The following METTL15 variants were observed in gnomAD, a reference collection of about 807,000 sequenced individuals.
METTL15 encodes the protein 12S rRNA N(4)-cytidine methyltransferase METTL15.
METTL15 carries 34 observed loss-of-function variants against 38.3 expected under a neutral mutation model. That is an observed-to-expected ratio of 0.89 (90% CI 0.68 to 1.18). The LOEUF (loss-of-function observed/expected upper bound fraction) is 1.18. METTL15 is among the 50% of genes most tolerant of loss of function. The pLI, the probability that METTL15 is intolerant of heterozygous loss-of-function variation, is 0.00. For missense variants in METTL15, 438 were observed against 498.4 expected, an observed-to-expected ratio of 0.88 and a Z score of 1.15; for synonymous variants, 162 against 170.9, an observed-to-expected ratio of 0.95 and a Z score of 0.41.
chr11:28,502,931 AATT>A (rs1363571055), intron 6 of METTL15, among the ~76,000 whole-genome samples: 3 of 152,356 alleles, frequency 2.0e-5, no homozygotes, highest in Admixed American at 2.0e-4. Flanking sequence ...ATAAAATAAT[AATT>A]ACCACTATAA....
chr11:28,517,864 C>T (rs1176446527), intron 6 of METTL15, among the ~76,000 whole-genome samples: 1 of 152,234 alleles, frequency 6.6e-6, no homozygotes, highest in African/African-American at 2.4e-5. Flanking sequence ...AATGGTCCTT[C>T]TGCCTACCTT....
chr11:28,118,410 A>G (rs6484351), intron 3 of METTL15, among the ~76,000 whole-genome samples: 151,915 of 152,300 alleles, frequency 1, 75,766 homozygotes, highest in Non-Finnish European at 1. Context: ...TAAAGAAATT[A>G]TAATTATTTC....
At chr11:28,211,300 A>G in intron 4 of METTL15, 102 bp downstream of exon 4, 5 of 1,016,854 alleles carry the variant, frequency 4.9e-6, no homozygotes, top group Non-Finnish European at 6.8e-6. Context: ...GCTATATTTT[A>G]CTCCAGTAAA....
At chr11:28,229,911 A>G (rs1404921828) in intron 4 of METTL15, among the ~76,000 whole-genome samples, 1 of 151,996 alleles carries the variant, frequency 6.6e-6, no homozygotes, top group South Asian at 2.1e-4. Context: ...AAAAATAACT[A>G]ATATCATACA....
intron 6 of METTL15, among the ~76,000 whole-genome samples, chr11:28,426,119 C>G (rs1850861715): frequency 6.6e-6 from 1 of 152,106 alleles, no homozygotes; most frequent in South Asian, 2.1e-4. Flanking sequence ...TCTGACAGGC[C>G]TCCAGTGTGT....
At chr11:28,210,975 C>G in intron 3 of METTL15, 87 bp from the exon 4 acceptor site, 1 of 1,354,418 alleles carries the variant, frequency 7.4e-7, no homozygotes, top group South Asian at 1.4e-5. Context: ...GTCTGAAAAT[C>G]ATTGTGTGCT....
At chr11:28,503,963 A>G (rs1330371531) in intron 6 of METTL15, among the ~76,000 whole-genome samples, 1 of 151,934 alleles carries the variant, frequency 6.6e-6, no homozygotes, top group African/African-American at 2.4e-5. Context: ...TGGGAGTCCA[A>G]GGCAGGTGGA....
intron 6 of METTL15, among the ~76,000 whole-genome samples, chr11:28,316,504 C>T (rs1354907508): frequency 2.6e-5 from 4 of 152,158 alleles, no homozygotes; most frequent in Non-Finnish European, 5.9e-5. Flanking sequence ...TCAGATGAGA[C>T]ATTGGACTGC....
downstream of METTL15, among the ~76,000 whole-genome samples, chr11:28,337,517 G>GA (rs1849911924): frequency 1.3e-5 from 2 of 151,918 alleles, no homozygotes; most frequent in African/African-American, 2.4e-5. Flanking sequence ...CACCCAGCCA[G>GA]AAAAATATTT....
intron 6 of METTL15, among the ~76,000 whole-genome samples, chr11:28,486,612 CT>C (rs1025491031): frequency 1.3e-5 from 2 of 152,126 alleles, no homozygotes; most frequent in African/African-American, 4.8e-5. Context: ...GCCATCTGCC[CT>C]TTAGGCCATC....
intron 3 of METTL15, chr11:28,125,479 C>T (rs1590763035): frequency 1.3e-5 from 2 of 151,944 alleles, no homozygotes; most frequent in African/African-American, 4.8e-5. Context: ...ATCCAAAACT[C>T]TGAAATTTTG....
intron 4 of METTL15, among the ~76,000 whole-genome samples, chr11:28,252,155 C>T (rs1156464277): frequency 1.3e-5 from 2 of 151,994 alleles, no homozygotes; most frequent in African/African-American, 2.4e-5. Flanking sequence ...TGTCTTTGCC[C>T]TCATAGGGGA....
At chr11:28,359,434 T>A (rs1223522244) in intron 4 of METTL15, among the ~76,000 whole-genome samples, 1 of 152,214 alleles carries the variant, frequency 6.6e-6, no homozygotes. Context: ...TTTGGGTATA[T>A]ACCTAGTAAT....
At chr11:28,213,260 C>A (rs1852716782) in intron 4 of METTL15, among the ~76,000 whole-genome samples, 1 of 151,506 alleles carries the variant, frequency 6.6e-6, no homozygotes, top group Admixed American at 6.6e-5. Flanking sequence ...CAGATAAAAG[C>A]TAGAATCAAG....
chr11:28,123,027 G>A (rs188455952), intron 3 of METTL15, among the ~76,000 whole-genome samples: 12 of 152,132 alleles, frequency 7.9e-5, no homozygotes, highest in African/African-American at 2.4e-4. Context: ...AAAATCAGAC[G>A]TATGTACTGA....
At chr11:28,123,812 G>C in intron 3 of METTL15, 1 of 1,330,022 alleles carries the variant, frequency 7.5e-7, no homozygotes, top group Non-Finnish European at 1.0e-6. Flanking sequence ...TAAATTTCAA[G>C]ATAAAACTGA....
At chr11:28,209,486 T>C (rs988138464) in intron 3 of METTL15, among the ~76,000 whole-genome samples, 2 of 152,078 alleles carry the variant, frequency 1.3e-5, no homozygotes, top group African/African-American at 4.8e-5. Flanking sequence ...TTGTTTAAAA[T>C]GGTAAAAATA....
chr11:28,343,471 T>G (rs1590339852), intron 3 of METTL15, among the ~76,000 whole-genome samples: 1 of 152,348 alleles, frequency 6.6e-6, no homozygotes, highest in East Asian at 1.9e-4. Flanking sequence ...CTTAAAAGTT[T>G]GTTTCCTTCA....
chr11:28,370,803 G>T (rs1483475630), intron 5 of METTL15, among the ~76,000 whole-genome samples: 2 of 151,874 alleles, frequency 1.3e-5, no homozygotes, highest in Non-Finnish European at 2.9e-5. Context: ...TTCTCTAATA[G>T]TGATGCTGAA....
Sources: allele counts gnomAD v4.1 joint callset (sites outside exome capture counted in the v4.1 genomes callset), GRCh38; gene constraint gnomAD v4.1.1; transcripts MANE v1.5; gene names NCBI Gene and HGNC (gene_info 2026-07-23, HGNC 2026-07-21).